SMAD7: variants seen among roughly 807,000 people sequenced by gnomAD.
SMAD7 encodes the protein SMAD family member 7, also known as MAD (mothers against decapentaplegic, Drosophila) homolog 7.
SMAD7 carries 8 observed loss-of-function variants against 38.7 expected under a neutral mutation model. That is an observed-to-expected ratio of 0.21 (90% CI 0.12 to 0.37). SMAD7 has a LOEUF of 0.37. Among genes scored for constraint, SMAD7 ranks in the 10% least tolerant of loss-of-function variants. The pLI, the probability that SMAD7 is intolerant of heterozygous loss-of-function variation, is 1.00. For missense variants in SMAD7, 477 were observed against 577.9 expected (o/e 0.83, Z 1.79); for synonymous variants, 327 against 265.1 (o/e 1.23, Z -2.27).
chr18:48,927,550 C>T (rs1054016853), intron 3 of SMAD7, among the ~76,000 whole-genome samples: 19 of 152,330 alleles, frequency 1.2e-4, no homozygotes, highest in African/African-American at 3.8e-4. Context: ...ACACCAACCT[C>T]GCATGCAGCC....
intron 2 of SMAD7, chr18:48,942,787 C>T (rs1291608745): frequency 5.1e-6 from 7 of 1,372,278 alleles, no homozygotes; most frequent in East Asian, 3.2e-5. Context: ...AATCATTACT[C>T]GAGTCAGGCT....
rs1170063681 is a variant in SMAD7, at chr18:48,950,148, T to C, written c.277A>G (p.Lys93Glu). The part of the protein sequence containing the change: ...GAAGGAEADL[K>E]ALTHSVLKKL... ...TTGAGCACCGAGTGCGTGAGCGCCT[T>C]CAGATCCGCCTCGGCGCCCCCGGCC... The change falls in exon 1 of 4, where the codon AAG becomes GAG. Residue 93 changes from lysine to glutamate, a missense_variant. By Grantham distance (56) the Lys-to-Glu change is moderately conservative. This residue lies in a region of SMAD7 where 376 missense variants were observed against 379.4 expected (regional missense o/e 0.99). Coordinates refer to ENST00000262158, the MANE Select transcript of SMAD7 (RefSeq NM_005904.4). The C allele has an allele frequency of 6.7e-7, 1 of 1,495,568 alleles. No homozygotes were observed. Among genetic ancestry groups the C allele is most frequent in the Admixed American group, 2.4e-5 (1 of 42,418 alleles). The allele number at this position is 1,495,568 out of a possible 1,614,324, so 92.6% of individuals were successfully genotyped here.
rs571074919 is a variant in SMAD7 at position 48,940,808 on chromosome 18, A to G, written c.742+1673T>C. ...CTGGGCGACAGAGCGAGACTTTGTC[A>G]AAAAAGAAAAAAAAAAAAAAGCCCA... On this transcript the variant is annotated intron_variant, in intron 3 of 3. Transcript: ENST00000262158. Among the ~76,000 whole-genome samples the G allele has an allele frequency of 2.7e-5, 4 of 149,616 alleles. No homozygotes were observed. In the East Asian group the frequency reaches 8.0e-4, roughly 30 times the overall value.
intron 2 of SMAD7, among the ~76,000 whole-genome samples, chr18:48,945,460 G>GA (rs1193844333): frequency 5.4e-4 from 81 of 150,912 alleles, no homozygotes; most frequent in African/African-American, 1.8e-3. Flanking sequence ...GACTGTCTCG[G>GA]AAAAAAAAAG....
At position 48,950,441 on chromosome 18, in the gene SMAD7, A is replaced by C. The variant is rs978846710; in HGVS notation, c.-17T>G. ...CCTGAACATGCGGGGCGAGGAGGCGAGGAGAAAAGTCGTTTGCCTGCTAAG... is the reference window on the plus strand; with the variant it reads ...CCTGAACATGCGGGGCGAGGAGGCGCGGAGAAAAGTCGTTTGCCTGCTAAG... On this transcript the variant is annotated 5_prime_UTR_variant, in exon 1 of 4. Coordinates refer to ENST00000262158, the MANE Select transcript of SMAD7 (RefSeq NM_005904.4). 1 of 1,543,588 alleles carries C rather than the reference A, an allele frequency of 6.5e-7. No homozygotes were observed. Among genetic ancestry groups the C allele is most frequent in the Non-Finnish European group, 8.7e-7 (1 of 1,147,064 alleles).
intron 3 of SMAD7, among the ~76,000 whole-genome samples, chr18:48,932,844 C>T (rs2070018731): frequency 6.6e-6 from 1 of 152,200 alleles, no homozygotes; most frequent in Admixed American, 6.5e-5. Flanking sequence ...ATCAAGTCCT[C>T]TGGAGTTACA....
chr18:48,950,258 C>A lies in SMAD7; in HGVS notation c.167G>T (p.Gly56Val). The A allele has an allele frequency of 2.0e-6, 3 of 1,518,280 alleles. No individual in the cohort carries two copies. Among genetic ancestry groups the A allele is most frequent in the Non-Finnish European group, 2.6e-6 (3 of 1,136,064 alleles). 94.1% of individuals were successfully genotyped at this position (1,518,280 alleles called of 1,614,324 possible). Residue 56 changes from glycine to valine, a missense_variant, in exon 1 of 4, where the codon GGC becomes GTC. Transcript: ENST00000262158. ...CTTGCCCAGGCAGCATCCAGCCCTG[C>A]CCGGGCCGCCGCCACCGGCCCCATG... ...RAHGAGGGGPGRAGCCLGKAV... is the reference protein window; with the variant it reads ...RAHGAGGGGPVRAGCCLGKAV...
At chr18:48,930,695 C>A (rs912008885) in intron 3 of SMAD7, among the ~76,000 whole-genome samples, 3 of 140,356 alleles carry the variant, frequency 2.1e-5, no homozygotes, top group Non-Finnish European at 4.8e-5. Flanking sequence ...TAGGGCTCCC[C>A]CACCGCATGC....
chr18:48,948,453 C>A lies in SMAD7; in HGVS notation c.614-16G>T, dbSNP rs1599237531. On this transcript the variant is annotated splice_polypyrimidine_tract_variant and intron_variant, in intron 1 of 3. Transcript: ENST00000262158. ...GGGGGAGACTCTGAAATTAAAAAAGCAAGAGAAAATAAAGGCCCAGCCATG... is the reference window on the plus strand; with the variant it reads ...GGGGGAGACTCTGAAATTAAAAAAGAAAGAGAAAATAAAGGCCCAGCCATG... 1 of 1,578,246 alleles carries A rather than the reference C, an allele frequency of 6.3e-7. No homozygotes were observed.
At position 48,949,984 on chromosome 18, in the gene SMAD7, C is replaced by T; in HGVS notation, c.441G>A (p.Ala147=). The change falls in exon 1 of 4, where the codon GCG becomes GCA. Residue 147 remains alanine, a synonymous_variant. Transcript: ENST00000262158. The part of the protein sequence containing the change: ...GPGAPAGAQP[A]QPPSSYSLPL... ...GGAGCGAGTAGGACGAGGGCGGCTG[C>T]GCAGGCTGCGCGCCGGCGGGCGCCC... 1 of 1,591,210 alleles carries T rather than the reference C, an allele frequency of 6.3e-7. No homozygotes were observed.
chr18:48,942,782 TTAC>T (rs1568304777), intron 2 of SMAD7: 8 of 1,384,084 alleles, frequency 5.8e-6, no homozygotes, highest in Non-Finnish European at 7.5e-6. Flanking sequence ...CAGTTAATCA[TTAC>T]TCGAGTCAGG....
At chr18:48,928,592 A>C (rs1156475101) in intron 3 of SMAD7, among the ~76,000 whole-genome samples, 1 of 152,040 alleles carries the variant, frequency 6.6e-6, no homozygotes, top group Non-Finnish European at 1.5e-5. Flanking sequence ...TGGTTCCCTG[A>C]AGTTTCTCCT....
At position 48,950,556 on chromosome 18, in the gene SMAD7, G is replaced by A; in HGVS notation, c.-132C>T. The stretch of plus-strand genomic sequence containing the variant: ...CGACAGCAGCAGCAGCAGGGGCCCG[G>A]GCAGGAGCGGCGGCGGCCCGAGGGG... On this transcript the variant is annotated 5_prime_UTR_variant, in exon 1 of 4. Transcript: ENST00000262158. 1.2e-6 allele frequency: 1 copy of A among 834,800 alleles called. No individual in the cohort carries two copies. The highest frequency in any genetic ancestry group is 2.8e-5 in the South Asian group (1 of 35,984). 51.7% of individuals were successfully genotyped at this position (834,800 alleles called of 1,614,324 possible). A position where few individuals can be genotyped will look rare whatever the true frequency, so the allele number is the denominator to read the frequency against.
At chr18:48,947,848 C>G (rs1046683644) in intron 2 of SMAD7, among the ~76,000 whole-genome samples, 8 of 151,744 alleles carry the variant, frequency 5.3e-5, no homozygotes, top group African/African-American at 1.9e-4. Context: ...TGAGAAAACC[C>G]CGGGAGAGGA....
intron 3 of SMAD7, among the ~76,000 whole-genome samples, chr18:48,929,215 A>G (rs368339173): frequency 2.6e-5 from 4 of 152,110 alleles, no homozygotes; most frequent in East Asian, 1.9e-4. Flanking sequence ...TTACCCCCCA[A>G]GTAACTCAGA....
rs3082710 is a variant in SMAD7, at chr18:48,929,569, T to TCTCACACACACACACACACA, written c.743-7660_743-7659insTGTGTGTGTGTGTGTGTGAG. ...CTCTCTTTCTCTCTCTCTCTCTCTC[T>TCTCACACACACACACACACA]CACTCACACACACACACACACACAC... On this transcript the variant is annotated intron_variant, in intron 3 of 3. Transcript: ENST00000262158. Among the ~76,000 whole-genome samples, 737 of 114,582 alleles carry TCTCACACACACACACACACA rather than the reference T, an allele frequency of 6.4e-3. 14 individuals are homozygous for TCTCACACACACACACACACA. The highest frequency in any genetic ancestry group is 0.012 in the East Asian group (44 of 3,676). 75.2% of individuals were successfully genotyped at this position (114,582 alleles called of 152,430 possible).
In SMAD7 at chr18:48,950,320, G is replaced by T. The variant is rs1209761699; in HGVS notation, c.105C>A (p.Gly35=). ...CCGTCGCCCCTTCTCCCCGCAGCTC[G>T]CCTCCTCCTCCACCTCCCCCTGCGC... ...EEGAGGGGGG[G]ELRGEGATDS... is the part of the protein sequence containing the mutation. Residue 35 remains glycine, a synonymous_variant, in exon 1 of 4, where the codon GGC becomes GGA. Coordinates refer to ENST00000262158, the MANE Select transcript of SMAD7 (RefSeq NM_005904.4). 3 of 1,536,386 alleles carry T rather than the reference G, an allele frequency of 2.0e-6. No individual in the cohort carries two copies. Among genetic ancestry groups the T allele is most frequent in the Non-Finnish European group, 2.6e-6 (3 of 1,141,638 alleles).
chr18:48,943,988 AG>A (rs559375847), intron 2 of SMAD7, among the ~76,000 whole-genome samples: 79 of 152,254 alleles, frequency 5.2e-4, no homozygotes, highest in South Asian at 1.9e-3. Context: ...TGCGGTGGGT[AG>A]GGGGAAAGAA....
chr18:48,936,771 G>A (rs1308024059), intron 3 of SMAD7, among the ~76,000 whole-genome samples: 1 of 152,130 alleles, frequency 6.6e-6, no homozygotes, highest in Non-Finnish European at 1.5e-5. Context: ...TTATGACACA[G>A]TAACAACAAT....
Sources: gnomAD v4.1 joint callset for allele counts (sites outside exome capture counted in the v4.1 genomes callset) on GRCh38, gnomAD v4.1.1 for gene constraint, gnomAD v4.1.1 regional missense constraint, MANE v1.5 for transcripts, NCBI Gene and HGNC (gene_info 2026-07-23, HGNC 2026-07-21) for gene names.